The following SLC30A8 variants were observed in gnomAD, a reference collection of about 807,000 sequenced individuals.
The protein encoded by SLC30A8 is proton-coupled zinc antiporter SLC30A8.
In SLC30A8, 27 loss-of-function variants were observed where a neutral mutation model predicts 36.9. The ratio of observed to expected loss-of-function variants is 0.73; its 90% CI spans 0.54 to 1.01. The LOEUF (loss-of-function observed/expected upper bound fraction) is 1.01. SLC30A8 is among the 50% of genes least tolerant of loss of function. The pLI, the probability that SLC30A8 is intolerant of heterozygous loss-of-function variation, is 0.00. For missense variants in SLC30A8, 439 were observed against 452.0 expected (o/e 0.97, Z 0.26); for synonymous variants, 164 against 172.4 (o/e 0.95, Z 0.38).
chr8:116,982,707 A>C (rs1434951175), intron 1 of SLC30A8, among the ~76,000 whole-genome samples: 1 of 152,170 alleles, frequency 6.6e-6, no homozygotes, highest in East Asian at 1.9e-4. Context: ...ATTGTTCCAG[A>C]ATCTGCTGCA....
chr8:117,001,526 T>C (rs1816010952), intron 1 of SLC30A8, among the ~76,000 whole-genome samples: 2 of 152,326 alleles, frequency 1.3e-5, no homozygotes, highest in East Asian at 3.9e-4. Flanking sequence ...ACAAGTATTA[T>C]TATTGCAACA....
At chr8:117,036,707 A>T (rs909910493) in intron 1 of SLC30A8, among the ~76,000 whole-genome samples, 19 of 152,144 alleles carry the variant, frequency 1.2e-4, no homozygotes, top group Non-Finnish European at 2.6e-4. Context: ...AGCATGGGGG[A>T]AACCACCCCC....
At chr8:116,999,082 A>G (rs1414799237) in intron 1 of SLC30A8, among the ~76,000 whole-genome samples, 3 of 152,166 alleles carry the variant, frequency 2.0e-5, no homozygotes, top group Non-Finnish European at 4.4e-5. Flanking sequence ...AACATGGTGA[A>G]ACCCTGTCTC....
intron 1 of SLC30A8, among the ~76,000 whole-genome samples, chr8:117,000,341 C>T (rs1291357594): frequency 1.3e-5 from 2 of 152,122 alleles, no homozygotes; most frequent in Non-Finnish European, 2.9e-5. Context: ...TTTAGTCAGT[C>T]CACCCTCACT....
chr8:116,966,883 A>G (rs1814618123), intron 1 of SLC30A8, among the ~76,000 whole-genome samples: 1 of 152,210 alleles, frequency 6.6e-6, no homozygotes, highest in East Asian at 1.9e-4. Flanking sequence ...CTAATTTTCC[A>G]TTTTCTAAAC....
At chr8:116,953,856 C>G (rs532502430) in intron 1 of SLC30A8, among the ~76,000 whole-genome samples, 43 of 152,246 alleles carry the variant, frequency 2.8e-4, no homozygotes, top group African/African-American at 9.4e-4. Flanking sequence ...GATCTCTACT[C>G]CATCTTAAAA....
At chr8:116,963,023 TAA>T (rs1814480382) in intron 1 of SLC30A8, among the ~76,000 whole-genome samples, 1 of 151,234 alleles carries the variant, frequency 6.6e-6, no homozygotes, top group South Asian at 2.1e-4. Flanking sequence ...TTGGTGAAAT[TAA>T]AGAGAGAGAA....
At chr8:117,128,125 C>T (rs751491945) in intron 2 of SLC30A8, among the ~76,000 whole-genome samples, 16 of 152,114 alleles carry the variant, frequency 1.1e-4, no homozygotes, top group African/African-American at 3.6e-4. Context: ...TCTCCTAGGG[C>T]TCCTTGCTTT....
chr8:117,089,031 T>C (rs1183375459), intron 2 of SLC30A8, among the ~76,000 whole-genome samples: 1 of 152,242 alleles, frequency 6.6e-6, no homozygotes, highest in Admixed American at 6.5e-5. Context: ...TTTCACCGTG[T>C]TGGTGTCTTC....
upstream of SLC30A8, among the ~76,000 whole-genome samples, chr8:117,131,553 A>G (rs948566350): frequency 7.2e-5 from 11 of 151,864 alleles, no homozygotes; most frequent in African/African-American, 2.7e-4. Flanking sequence ...TTGAGAAAGT[A>G]GAGTCCAGAG....
chr8:116,965,029 C>T (rs574258295), intron 1 of SLC30A8, among the ~76,000 whole-genome samples: 2 of 152,198 alleles, frequency 1.3e-5, no homozygotes, highest in South Asian at 2.1e-4. Flanking sequence ...CTCTGCCTCC[C>T]AGGTTCAAGT....
chr8:117,073,700 G>A (rs368164495), intron 2 of SLC30A8, among the ~76,000 whole-genome samples: 87 of 152,174 alleles, frequency 5.7e-4, no homozygotes, highest in South Asian at 4.8e-3. Context: ...TTTCCCTTTG[G>A]AAAATAAATA....
intron 3 of SLC30A8, 97 bp from the exon 4 acceptor site, chr8:117,157,594 T>G (rs1563633143): frequency 3.6e-6 from 5 of 1,387,112 alleles, no homozygotes; most frequent in African/African-American, 2.9e-5. Flanking sequence ...GAAGCCTTTT[T>G]GGGGGAAGTG....
chr8:117,155,721 T>A (rs978396915), intron 3 of SLC30A8, among the ~76,000 whole-genome samples: 3 of 152,210 alleles, frequency 2.0e-5, no homozygotes, highest in Non-Finnish European at 4.4e-5. Flanking sequence ...TGTCTCACAG[T>A]TATGAGAAAC....
intron 1 of SLC30A8, among the ~76,000 whole-genome samples, chr8:117,024,142 T>C (rs1268306139): frequency 2.6e-5 from 4 of 152,228 alleles, no homozygotes; most frequent in Admixed American, 2.0e-4. Context: ...AGATATTGTT[T>C]ATCTGATAAA....
intron 2 of SLC30A8, among the ~76,000 whole-genome samples, chr8:117,150,273 G>A (rs568376218): frequency 6.6e-6 from 1 of 152,236 alleles, no homozygotes; most frequent in South Asian, 2.1e-4. Context: ...CCCAGCAATG[G>A]GACACATGGC....
chr8:117,116,330 A>T (rs1820443961), intron 2 of SLC30A8, among the ~76,000 whole-genome samples: 1 of 152,074 alleles, frequency 6.6e-6, no homozygotes, highest in Non-Finnish European at 1.5e-5. Context: ...CAGCTCCAGA[A>T]TATGATTAAA....
At chr8:117,146,294 G>T (rs2130963580) in intron 1 of SLC30A8, among the ~76,000 whole-genome samples, 1 of 152,216 alleles carries the variant, frequency 6.6e-6, no homozygotes, top group South Asian at 2.1e-4. Context: ...AAAGGGGTTA[G>T]ACCAAATGTT....
intron 2 of SLC30A8, among the ~76,000 whole-genome samples, chr8:117,148,535 C>T (rs903294122): frequency 1.3e-5 from 2 of 152,122 alleles, no homozygotes; most frequent in Non-Finnish European, 2.9e-5. Context: ...GGCTATTCAT[C>T]TCTGTTTATT....
Sources: gnomAD v4.1 joint callset for allele counts (sites outside exome capture counted in the v4.1 genomes callset) on GRCh38, gnomAD v4.1.1 for gene constraint, MANE v1.5 for transcripts, NCBI Gene and HGNC (gene_info 2026-07-23, HGNC 2026-07-21) for gene names.